SPNS3: variants seen among roughly 807,000 people sequenced by gnomAD.
SPNS3 encodes protein spinster homolog 3.
SPNS3 carries 51 observed loss-of-function variants against 54.4 expected under a neutral mutation model. That is an observed-to-expected ratio of 0.94 (90% confidence interval 0.75 to 1.18). SPNS3 has a LOEUF of 1.18. Among genes scored for constraint, SPNS3 ranks in the 50% most tolerant of loss-of-function variants. The probability of loss-of-function intolerance (pLI) is 0.00; values close to 1 mark genes in which losing one functional copy is unlikely to be tolerated. For missense variants in SPNS3, 669 were observed against 677.4 expected, an observed-to-expected ratio of 0.99 and a Z score of 0.14; for synonymous variants, 309 against 294.7, an observed-to-expected ratio of 1.05 and a Z score of -0.50.
chr17:4,477,035 C>A (rs1418208944), intron 8 of SPNS3, among the ~76,000 whole-genome samples: 3 of 152,206 alleles, frequency 2.0e-5, no homozygotes, highest in Non-Finnish European at 2.9e-5. Context: ...CCAGGGGCCC[C>A]CTGCCCATCT....
At chr17:4,450,303 TTC>T (rs1398507694) in intron 7 of SPNS3, among the ~76,000 whole-genome samples, 1 of 147,154 alleles carries the variant, frequency 6.8e-6, no homozygotes, top group South Asian at 2.2e-4. Flanking sequence ...CTCTCCTTCC[TTC>T]TCTCTTTCTT....
chr17:4,444,953 T>A, intron 2 of SPNS3, 79 bp from the exon 3 acceptor site: 1 of 1,514,508 alleles, frequency 6.6e-7, no homozygotes, highest in Non-Finnish European at 8.9e-7. Context: ...TGAGTCAGGC[T>A]CCTTCCCTGG....
intron 2 of SPNS3, among the ~76,000 whole-genome samples, chr17:4,444,366 C>T (rs759062825): frequency 2.0e-4 from 31 of 151,806 alleles, no homozygotes; most frequent in Non-Finnish European, 4.1e-4. Flanking sequence ...AGATGCCCAC[C>T]ATCACACCTG....
At chr17:4,456,313 G>A (rs975620918) in intron 8 of SPNS3, among the ~76,000 whole-genome samples, 1 of 152,090 alleles carries the variant, frequency 6.6e-6, no homozygotes, top group African/African-American at 2.4e-5. Context: ...GCAGTGGGGG[G>A]CCAAATGGGA....
At chr17:4,442,725 C>A (rs1970885076) in intron 2 of SPNS3, among the ~76,000 whole-genome samples, 1 of 152,166 alleles carries the variant, frequency 6.6e-6, no homozygotes, top group Non-Finnish European at 1.5e-5. Flanking sequence ...CTTATTTAAT[C>A]TTCACGACAA....
In SPNS3 at chr17:4,434,122, G is replaced by A; in HGVS notation, c.155G>A (p.Cys52Tyr). 1 of 1,612,184 alleles carries A rather than the reference G, an allele frequency of 6.2e-7. No individual in the cohort carries two copies. The highest frequency in any genetic ancestry group is 8.5e-7 in the Non-Finnish European group (1 of 1,179,190). ...WRAYVAAAVL[C>Y]YINLLNYMNW... Reference sequence around the variant, plus strand: ...GCCTACGTGGCTGCCGCCGTCCTCTGCTACATCAACCTCCTGAATTACATG... The same window carrying A: ...GCCTACGTGGCTGCCGCCGTCCTCTACTACATCAACCTCCTGAATTACATG... Residue 52 changes from cysteine (C) to tyrosine (Y), a missense_variant, in exon 1 of 12, where the codon TGC becomes TAC. Transcript: ENST00000355530.
chr17:4,485,391 A>AT lies in SPNS3; in HGVS notation c.1180-829dup, dbSNP rs1343069032. On this transcript the variant is annotated intron_variant, in intron 9 of 11. Coordinates refer to ENST00000355530, the MANE Select transcript of SPNS3 (RefSeq NM_182538.5). The stretch of plus-strand genomic sequence containing the variant: ...TGAGTGTGTGACACCAGAGTTCTTT[A>AT]TTTTTTTTATTTTTTTTTTTTTTGA... 2.0e-5 allele frequency among the ~76,000 whole-genome samples: 3 copies of AT among 149,188 alleles called. No homozygotes were observed. The South Asian group carries it at 6.4e-4, about 32-fold the overall frequency.
intron 8 of SPNS3, among the ~76,000 whole-genome samples, chr17:4,466,028 G>C (rs1340029755): frequency 6.6e-6 from 1 of 152,180 alleles, no homozygotes. Flanking sequence ...TGGCCTCATG[G>C]GCTGAGGGAG....
At chr17:4,449,194 C>T (rs373040318) in intron 6 of SPNS3, 41 bp from the exon 7 acceptor site, 1,054 of 1,600,252 alleles carry the variant, frequency 6.6e-4, no homozygotes, top group Non-Finnish European at 8.2e-4. Context: ...CCTTCAGCCC[C>T]AGCCCTCTCC....
At chr17:4,481,089 T>A (rs767343729) in intron 9 of SPNS3, among the ~76,000 whole-genome samples, 2 of 151,870 alleles carry the variant, frequency 1.3e-5, no homozygotes, top group Non-Finnish European at 1.5e-5. Context: ...GGTAGACAAT[T>A]CCCTTGAGGA....
At chr17:4,460,047 G>C (rs912289634) in intron 8 of SPNS3, among the ~76,000 whole-genome samples, 1 of 152,056 alleles carries the variant, frequency 6.6e-6, no homozygotes, top group African/African-American at 2.4e-5. Context: ...GTGGATATTC[G>C]GGGGAACAGT....
At chr17:4,459,439 C>T (rs974189558) in intron 8 of SPNS3, among the ~76,000 whole-genome samples, 3 of 151,964 alleles carry the variant, frequency 2.0e-5, no homozygotes, top group Non-Finnish European at 4.4e-5. Flanking sequence ...CAGCTGGGTG[C>T]GGTGCTTCAT....
intron 8 of SPNS3, among the ~76,000 whole-genome samples, chr17:4,456,604 C>T (rs1331133890): frequency 2.0e-5 from 3 of 152,184 alleles, no homozygotes; most frequent in African/African-American, 7.2e-5. Context: ...AGACTCACTG[C>T]AACCTCTACC....
chr17:4,487,483 G>A (rs758479131), intron 11 of SPNS3, among the ~76,000 whole-genome samples: 4 of 152,214 alleles, frequency 2.6e-5, no homozygotes, highest in South Asian at 2.1e-4. Flanking sequence ...AGAGTGAGAC[G>A]GGAGCTGCTG....
At chr17:4,450,320 T>TCTCC (rs1224651400) in intron 7 of SPNS3, among the ~76,000 whole-genome samples, 2 of 143,276 alleles carry the variant, frequency 1.4e-5, no homozygotes, top group Admixed American at 7.0e-5. Flanking sequence ...TTTCTTTCTT[T>TCTCC]CTCCCTCCCT....
rs1289466884 is a variant in SPNS3, at chr17:4,437,825, C to T, written c.200-1833C>T. ...TTTTGGAGACGGAGTCTCACTCTGT[C>T]GCCCAGGCTGGAGTGCAGTGGCATG... On this transcript the variant is annotated intron_variant, in intron 1 of 11. Coordinates refer to ENST00000355530, the MANE Select transcript of SPNS3 (RefSeq NM_182538.5). Among the ~76,000 whole-genome samples, 33 of 148,606 alleles carry T rather than the reference C, an allele frequency of 2.2e-4. 1 individual carries two copies. Among genetic ancestry groups the T allele is most frequent in the Middle Eastern group, 3.3e-3 (1 of 302 alleles).
chr17:4,447,080 TGG>T (rs1971017868), intron 5 of SPNS3, 118 bp downstream of exon 5: 2 of 543,926 alleles, frequency 3.7e-6, no homozygotes, highest in Admixed American at 6.6e-5. Flanking sequence ...GGACGGGGGG[TGG>T]TGGTCAGGCA....
intron 5 of SPNS3, among the ~76,000 whole-genome samples, chr17:4,447,433 C>T (rs111545113): frequency 5.9e-5 from 9 of 152,286 alleles, no homozygotes; most frequent in African/African-American, 1.4e-4. Context: ...GTGTTTCCAA[C>T]GTGGGCATGG....
At chr17:4,475,858 A>G (rs1304779524) in intron 8 of SPNS3, among the ~76,000 whole-genome samples, 1 of 152,134 alleles carries the variant, frequency 6.6e-6, no homozygotes, top group Non-Finnish European at 1.5e-5. Context: ...TGAACTGCTC[A>G]TGGAAGCCAC....
Sources: allele counts gnomAD v4.1 joint callset (sites outside exome capture counted in the v4.1 genomes callset), GRCh38; gene constraint gnomAD v4.1.1; transcripts MANE v1.5; gene names NCBI Gene and HGNC (gene_info 2026-07-23, HGNC 2026-07-21).